Variants in MAST2 observed in about 807,000 individuals in gnomAD.
MAST2 encodes the protein microtubule associated serine/threonine kinase 2, also known as microtubule-associated serine/threonine-protein kinase 2.
MAST2 carries 70 observed loss-of-function variants against 147.4 expected under a neutral mutation model. The observed-to-expected ratio is 0.47, with a 90% CI of 0.39 to 0.58. The LOEUF (loss-of-function observed/expected upper bound fraction) is 0.58. MAST2 is among the 20% of genes least tolerant of loss of function. The pLI is 0.00. For synonymous variants in MAST2, 869 were observed against 896.8 expected (o/e 0.97, Z 0.55); for missense variants, 2,080 against 2,302.3 (o/e 0.90, Z 1.98).
chr1:45,825,834 T>C (rs1348996138), intron 2 of MAST2, among the ~76,000 whole-genome samples: 2 of 151,756 alleles, frequency 1.3e-5, no homozygotes, highest in Non-Finnish European at 2.9e-5. Flanking sequence ...CACAGCACTT[T>C]GGGAGACCAA....
intron 5 of MAST2, among the ~76,000 whole-genome samples, chr1:45,996,855 G>C (rs76688123): frequency 6.6e-6 from 1 of 152,318 alleles, no homozygotes; most frequent in African/African-American, 2.4e-5. Context: ...GAAAGCCAGC[G>C]CATGTTGAAG....
chr1:45,832,357 G>A (rs1164695127), intron 3 of MAST2, among the ~76,000 whole-genome samples: 3 of 150,832 alleles, frequency 2.0e-5, no homozygotes, highest in Non-Finnish European at 4.4e-5. Flanking sequence ...CTGGAGTGCA[G>A]TGTCATGATC....
At position 45,984,055 on chromosome 1, in the gene MAST2, G is replaced by A. The variant is rs1644517418; in HGVS notation, c.593-13669G>A. ...GGTAAGTCTATCATTTGAAAACATT[G>A]GAAATAGAATGTTTCTAATCTTCCA... On this transcript the variant is annotated intron_variant, in intron 5 of 28. Transcript: ENST00000361297. Among the ~76,000 whole-genome samples the A allele has an allele frequency of 2.0e-5, 3 of 152,122 alleles. No individual in the cohort carries two copies. The East Asian group carries it at 5.8e-4, about 29-fold the overall frequency.
At chr1:45,864,835 G>T (rs963215354) in intron 3 of MAST2, among the ~76,000 whole-genome samples, 6 of 152,178 alleles carry the variant, frequency 3.9e-5, no homozygotes, top group Non-Finnish European at 7.3e-5. Context: ...AACCAAAGGG[G>T]TATGCATGGA....
chr1:45,890,797 T>A (rs1444612275), intron 4 of MAST2, among the ~76,000 whole-genome samples: 2 of 152,232 alleles, frequency 1.3e-5, no homozygotes, highest in Non-Finnish European at 2.9e-5. Context: ...CATTTGAACT[T>A]GTTCCAAACA....
chr1:46,020,306 G>A (rs1197923703), intron 11 of MAST2, among the ~76,000 whole-genome samples: 7 of 152,106 alleles, frequency 4.6e-5, no homozygotes, highest in South Asian at 2.1e-4. Context: ...ACTGAAGGAT[G>A]AGTCTAAGTT....
chr1:45,973,996 T>G (rs1644032377), intron 5 of MAST2, among the ~76,000 whole-genome samples: 1 of 152,122 alleles, frequency 6.6e-6, no homozygotes, highest in African/African-American at 2.4e-5. Context: ...AGAGCAGAAA[T>G]GAAATGCAAA....
chr1:45,963,854 A>G (rs1480759277), intron 5 of MAST2, among the ~76,000 whole-genome samples: 6 of 152,174 alleles, frequency 3.9e-5, no homozygotes, highest in Admixed American at 2.6e-4. Flanking sequence ...TTCAAAGGGA[A>G]TGCTTCCAGT....
chr1:45,825,056 C>T (rs1039981116), intron 2 of MAST2, among the ~76,000 whole-genome samples: 2 of 152,118 alleles, frequency 1.3e-5, no homozygotes, highest in Non-Finnish European at 2.9e-5. Flanking sequence ...GATGGAGTTT[C>T]GCTCCGTAGC....
In MAST2 at chr1:45,859,850, A is replaced by T. The variant is rs997472273; in HGVS notation, c.469-22514A>T. ...TACTAATAACATAGTAGAGAAGATG[A>T]TGAAAATGTTTTATTCATCTGTTCT... On this transcript the variant is annotated intron_variant, in intron 3 of 28. Coordinates refer to ENST00000361297, the MANE Select transcript of MAST2 (RefSeq NM_015112.3). Among the ~76,000 whole-genome samples, 14 of 152,294 alleles carry T rather than the reference A, an allele frequency of 9.2e-5. No individual in the cohort carries two copies. The Middle Eastern group carries it at 0.01, about 111-fold the overall frequency.
intron 4 of MAST2, among the ~76,000 whole-genome samples, chr1:45,886,962 GCAC>G (rs1350382637): frequency 6.6e-6 from 1 of 152,128 alleles, no homozygotes; most frequent in Non-Finnish European, 1.5e-5. Context: ...TGAGTAGCTG[GCAC>G]CACAGGCACC....
chr1:45,869,150 T>C (rs1204246066), intron 3 of MAST2, among the ~76,000 whole-genome samples: 3 of 152,198 alleles, frequency 2.0e-5, no homozygotes, highest in Admixed American at 6.5e-5. Context: ...TTTATCCTCC[T>C]TTTCTACCTA....
At position 46,032,361 on chromosome 1, in the gene MAST2, A is replaced by T. The variant is rs756367504; in HGVS notation, c.3371A>T (p.Tyr1124Phe). 1 of 1,614,094 alleles carries T rather than the reference A, an allele frequency of 6.2e-7. No individual in the cohort carries two copies. The change falls in exon 25 of 29, where the codon TAC (tyrosine) becomes TTC (phenylalanine). Residue 1124 changes from tyrosine (Y) to phenylalanine (F), a missense_variant. By Grantham distance (22) the Tyr-to-Phe change is conservative. Around this residue, in one of 4 missense-constraint regions of MAST2, gnomAD observed 1,278 missense variants for 1,304.2 expected, o/e 0.98. Transcript: ENST00000361297. ...YGFTLRAIRV[Y>F]MGDSDVYTVH... ...TTCACCCTGCGGGCCATTCGCGTCT[A>T]CATGGGTGACTCCGATGTCTACACC...
chr1:45,940,245 G>A (rs1036198146), intron 4 of MAST2, among the ~76,000 whole-genome samples: 1 of 151,820 alleles, frequency 6.6e-6, no homozygotes, highest in Admixed American at 6.6e-5. Flanking sequence ...CACCCGCCTC[G>A]GCCTCCCAAA....
chr1:45,822,380 C>T (rs554798978), intron 1 of MAST2, among the ~76,000 whole-genome samples: 9 of 137,744 alleles, frequency 6.5e-5, no homozygotes, highest in East Asian at 4.7e-4. Context: ...GGTTTTGACT[C>T]GAAGAGACTT....
chr1:45,968,895 C>A (rs1396156438), intron 5 of MAST2, among the ~76,000 whole-genome samples: 2 of 148,692 alleles, frequency 1.3e-5, no homozygotes, highest in Non-Finnish European at 3.0e-5. Context: ...TTTTTCGGTC[C>A]TTTTTTCTTT....
intron 4 of MAST2, among the ~76,000 whole-genome samples, chr1:45,896,873 G>C (rs571130878): frequency 6.6e-6 from 1 of 152,286 alleles, no homozygotes; most frequent in South Asian, 2.1e-4. Flanking sequence ...ATGTCTCCCA[G>C]GATGAGGCCA....
intron 9 of MAST2, among the ~76,000 whole-genome samples, chr1:46,010,092 T>C (rs916958882): frequency 6.6e-6 from 1 of 152,148 alleles, no homozygotes; most frequent in African/African-American, 2.4e-5. Flanking sequence ...CCAGACAGGT[T>C]CACTAAGCAG....
intron 17 of MAST2, among the ~76,000 whole-genome samples, chr1:46,028,511 T>C (rs1211156339): frequency 1.3e-5 from 2 of 152,202 alleles, no homozygotes; most frequent in African/African-American, 4.8e-5. Flanking sequence ...TGGGATCACA[T>C]GCCAGAGGTG....
Sources: allele counts gnomAD v4.1 joint callset (sites outside exome capture counted in the v4.1 genomes callset), GRCh38; gene constraint gnomAD v4.1.1; regional missense constraint gnomAD v4.1.1; transcripts MANE v1.5; gene names NCBI Gene and HGNC (gene_info 2026-07-23, HGNC 2026-07-21).